PCSK6: variants seen among roughly 807,000 people sequenced by gnomAD.
PCSK6 encodes proprotein convertase subtilisin/kexin type 6, also known as paired basic amino acid cleaving enzyme 4.
PCSK6 carries 85 observed loss-of-function variants against 123.3 expected under a neutral mutation model. That is an observed-to-expected ratio of 0.69 (90% CI 0.58 to 0.83). PCSK6 has a LOEUF of 0.83. Ranked by LOEUF, PCSK6 falls within the 40% of genes least tolerant of loss-of-function variation. PCSK6 has a pLI of 0.00. For missense variants in PCSK6, 1,191 were observed against 1,282.3 expected (o/e 0.93, Z 1.09); for synonymous variants, 508 against 516.0 (o/e 0.98, Z 0.21).
Position 101,322,554 on chromosome 15 carries a change from G to A in PCSK6, c.2431C>T (p.Pro811Ser). Residue 811 changes from proline (P) to serine (S), a missense_variant, in exon 18 of 22, where the codon CCT (proline) becomes TCT (serine). Physicochemically the swap from Pro to Ser is moderately conservative, Grantham distance 74 (BLOSUM62 -1). Around this residue, in one of 3 missense-constraint regions of PCSK6, gnomAD observed 630 missense variants for 631.4 expected, o/e 1.00. Transcript: ENST00000611716. ...HPSCKKCVDE[P>S]EKCTVCKEGF... Reference sequence around the variant, plus strand: ...TCTTTACAGACAGTACATTTCTCAGGTTCATCCACGCACTTTTTACAGCTT... The same window carrying A: ...TCTTTACAGACAGTACATTTCTCAGATTCATCCACGCACTTTTTACAGCTT... The A allele has an allele frequency of 6.2e-7, 1 of 1,613,724 alleles. No homozygotes were observed. Among genetic ancestry groups the A allele is most frequent in the East Asian group, 2.2e-5 (1 of 44,874 alleles).
intron 20 of PCSK6, among the ~76,000 whole-genome samples, chr15:101,311,697 C>T (rs1223436563): frequency 1.3e-4 from 13 of 99,900 alleles, no homozygotes; most frequent in Admixed American, 7.7e-4. Context: ...CCCTCACAGC[C>T]CACCCCATCG....
intron 1 of PCSK6, among the ~76,000 whole-genome samples, chr15:101,470,422 T>C (rs2057576393): frequency 6.6e-6 from 1 of 152,214 alleles, no homozygotes; most frequent in South Asian, 2.1e-4. Flanking sequence ...CTTTATTTAA[T>C]TCACTTTCCC....
At position 101,373,520 on chromosome 15, in the gene PCSK6, C is replaced by T. The variant is rs112163968; in HGVS notation, c.1533-2997G>A. Among the ~76,000 whole-genome samples the T allele has an allele frequency of 6.4e-3, 971 of 152,330 alleles. 12 individuals are homozygous for T. The highest frequency in any genetic ancestry group is 0.022 in the African/African-American group (930 of 41,568). Reference sequence around the variant, plus strand: ...TGCAGTTAGCTCCCCACACATTTTACTTCTGTGGTTGCTATTGAAACCATT... The same window carrying T: ...TGCAGTTAGCTCCCCACACATTTTATTTCTGTGGTTGCTATTGAAACCATT... On this transcript the variant is annotated intron_variant, in intron 11 of 21. Transcript: ENST00000611716.
intron 2 of PCSK6, among the ~76,000 whole-genome samples, chr15:101,432,643 CAG>C (rs970623817): frequency 7.4e-5 from 11 of 147,768 alleles, no homozygotes; most frequent in African/African-American, 7.5e-5. Context: ...AAAAAAAAGA[CAG>C]AGAGAGAGAG....
intron 13 of PCSK6, among the ~76,000 whole-genome samples, chr15:101,354,060 G>A (rs543518249): frequency 2.9e-4 from 44 of 152,318 alleles, no homozygotes; most frequent in African/African-American, 1.0e-3. Flanking sequence ...GCCGAGGTCC[G>A]CAATGACCAG....
intron 6 of PCSK6, among the ~76,000 whole-genome samples, chr15:101,423,463 T>C (rs2056151506): frequency 6.6e-6 from 1 of 152,136 alleles, no homozygotes; most frequent in African/African-American, 2.4e-5. Context: ...GGTTTTAGCA[T>C]GTTGGCCAGT....
chr15:101,408,388 G>A (rs1160069932), intron 6 of PCSK6, among the ~76,000 whole-genome samples: 1 of 152,214 alleles, frequency 6.6e-6, no homozygotes, highest in African/African-American at 2.4e-5. Context: ...GGAACCCAGG[G>A]CTATGCAGCC....
At chr15:101,395,544 G>C (rs932227644) in intron 7 of PCSK6, among the ~76,000 whole-genome samples, 1 of 152,206 alleles carries the variant, frequency 6.6e-6, no homozygotes, top group African/African-American at 2.4e-5. Flanking sequence ...ATGAGGCGAG[G>C]AAACAGCCAG....
chr15:101,461,212 CA>C (rs767371181), intron 1 of PCSK6, among the ~76,000 whole-genome samples: 3 of 152,076 alleles, frequency 2.0e-5, no homozygotes, highest in Non-Finnish European at 1.5e-5. Context: ...GGTTTAAAAA[CA>C]ATAAGGAAAC....
At chr15:101,330,409 C>T (rs375702612) in intron 15 of PCSK6, among the ~76,000 whole-genome samples, 6 of 152,368 alleles carry the variant, frequency 3.9e-5, no homozygotes, top group East Asian at 3.9e-4. Context: ...TGACCATGGC[C>T]GGCTCCGCAC....
intron 1 of PCSK6, among the ~76,000 whole-genome samples, chr15:101,456,015 A>C (rs1458496232): frequency 6.6e-6 from 1 of 152,090 alleles, no homozygotes; most frequent in Admixed American, 6.6e-5. Context: ...CACAGTTTCT[A>C]CTCTATCGGG....
At chr15:101,358,679 C>A (rs73493400) in intron 13 of PCSK6, among the ~76,000 whole-genome samples, 2,602 of 152,312 alleles carry the variant, frequency 0.017, 41 homozygotes, top group African/African-American at 0.04. Flanking sequence ...AGGTACCATT[C>A]ATCTGGAGGC....
chr15:101,403,255 ACTCT>A (rs2042651651), intron 6 of PCSK6, among the ~76,000 whole-genome samples: 1 of 115,720 alleles, frequency 8.6e-6, no homozygotes, highest in Non-Finnish European at 1.6e-5. Context: ...GGAACATCAC[ACTCT>A]GGGGACTGTT....
At chr15:101,369,440 G>T (rs1403555321) in intron 12 of PCSK6, among the ~76,000 whole-genome samples, 3 of 152,222 alleles carry the variant, frequency 2.0e-5, no homozygotes, top group African/African-American at 7.2e-5. Context: ...GAGTCAAGTG[G>T]GCCCAGAGTG....
In PCSK6 at chr15:101,459,019, G is replaced by A. The variant is rs116699270; in HGVS notation, c.298-15359C>T. On this transcript the variant is annotated intron_variant, in intron 1 of 21. Coordinates refer to ENST00000611716, the MANE Select transcript of PCSK6 (RefSeq NM_002570.5). The stretch of plus-strand genomic sequence containing the variant: ...AGCCACGTGTTCAGAGAGAAGTGGC[G>A]TGTGTGTAGCTTCTCTCAGCCAAGG... 4.9e-4 allele frequency among the ~76,000 whole-genome samples: 75 copies of A among 152,264 alleles called. 3 individuals are homozygous for A. The highest frequency in any genetic ancestry group is 1.6e-3 in the African/African-American group (66 of 41,528).
At chr15:101,475,063 G>C (rs1339891322) in intron 1 of PCSK6, among the ~76,000 whole-genome samples, 1 of 152,196 alleles carries the variant, frequency 6.6e-6, no homozygotes, top group East Asian at 1.9e-4. Flanking sequence ...AGCGCCACTG[G>C]TCACAAAGGC....
chr15:101,461,769 C>G (rs754675180), intron 1 of PCSK6, among the ~76,000 whole-genome samples: 6 of 152,008 alleles, frequency 3.9e-5, no homozygotes, highest in Non-Finnish European at 7.4e-5. Context: ...AATTCAAAAC[C>G]CATATGATTA....
intron 13 of PCSK6, among the ~76,000 whole-genome samples, chr15:101,363,682 T>G (rs1002587800): frequency 1.4e-4 from 22 of 151,908 alleles, no homozygotes; most frequent in Admixed American, 4.6e-4. Flanking sequence ...CAGGCTGGAG[T>G]GCAGTGGTGC....
chr15:101,359,631 C>T (rs2141432827), intron 13 of PCSK6, among the ~76,000 whole-genome samples: 1 of 152,370 alleles, frequency 6.6e-6, no homozygotes, highest in Non-Finnish European at 1.5e-5. Context: ...CTGCTGAGTG[C>T]CATGCAGGCA....
Sources: gnomAD v4.1 joint callset for allele counts (sites outside exome capture counted in the v4.1 genomes callset) on GRCh38, gnomAD v4.1.1 for gene constraint, gnomAD v4.1.1 regional missense constraint, MANE v1.5 for transcripts, NCBI Gene and HGNC (gene_info 2026-07-23, HGNC 2026-07-21) for gene names.